CELF2: variants seen among roughly 807,000 people sequenced by gnomAD.
CELF2 encodes the protein CUG triplet repeat RNA-binding protein 2.
A neutral mutation model predicts 62.6 loss-of-function variants in CELF2; 8 were observed. The ratio of observed to expected loss-of-function variants is 0.13; its 90% CI spans 0.07 to 0.23. CELF2 has a LOEUF of 0.23. Among genes scored for constraint, CELF2 ranks in the 10% least tolerant of loss-of-function variants. The pLI is 1.00. For synonymous variants in CELF2, 258 were observed against 250.0 expected, an observed-to-expected ratio of 1.03 and a Z score of -0.30; for missense variants, 333 against 671.0, an observed-to-expected ratio of 0.50 and a Z score of 5.56.
Position 10,870,431 on chromosome 10 carries a change from A to G in CELF2, c.54-49533A>G, listed in dbSNP as rs1017963888. The stretch of plus-strand genomic sequence containing the variant: ...ATTTGGACAGCAGGGACCAGGGTCT[A>G]AGTCTCCATAGCAAAGACTCACCCT... On this transcript the variant is annotated intron_variant, in intron 1 of 13. Transcript: ENST00000636488. Among the ~76,000 whole-genome samples the G allele has an allele frequency of 2.0e-4, 30 of 152,186 alleles. 1 individual carries two copies. Among genetic ancestry groups the G allele is most frequent in the Admixed American group, 1.7e-3 (26 of 15,282 alleles).
the CELF2 span, among the ~76,000 whole-genome samples, chr10:10,609,839 C>T: frequency 2.6e-5 from 4 of 152,238 alleles, no homozygotes; most frequent in East Asian, 1.9e-4. Flanking sequence ...GCTGTGCCAT[C>T]GTCTGCATCT....
intron 1 of CELF2, among the ~76,000 whole-genome samples, chr10:11,079,703 G>T (rs958852600): frequency 6.6e-6 from 1 of 151,442 alleles, no homozygotes; most frequent in Non-Finnish European, 1.5e-5. Flanking sequence ...CTCAGTCTTG[G>T]GTATTTCTTC....
the CELF2 span, among the ~76,000 whole-genome samples, chr10:10,650,857 G>T: frequency 5.7e-4 from 86 of 150,962 alleles, no homozygotes; most frequent in African/African-American, 1.9e-3. Flanking sequence ...AAAACGTGGA[G>T]GGGGGAGGAG....
chr10:10,494,708 T>A, the CELF2 span, among the ~76,000 whole-genome samples: 1 of 152,210 alleles, frequency 6.6e-6, no homozygotes, highest in African/African-American at 2.4e-5. Flanking sequence ...TCTGTGTTCA[T>A]CATTGTACCT....
chr10:10,994,480 C>T (rs2053747070), intron 2 of CELF2, among the ~76,000 whole-genome samples: 1 of 152,234 alleles, frequency 6.6e-6, no homozygotes, highest in Non-Finnish European at 1.5e-5. Context: ...CACAGCCACA[C>T]AGCAGAAGGT....
At chr10:11,133,455 T>G (rs945543772) in intron 1 of CELF2, among the ~76,000 whole-genome samples, 2 of 152,228 alleles carry the variant, frequency 1.3e-5, no homozygotes, top group Non-Finnish European at 2.9e-5. Context: ...TTTCACAGTT[T>G]AGAGGCCTGT....
chr10:10,521,689 C>T, the CELF2 span, among the ~76,000 whole-genome samples: 1 of 152,086 alleles, frequency 6.6e-6, no homozygotes, highest in Non-Finnish European at 1.5e-5. Context: ...TGTTGATCTG[C>T]TTGTTTACTT....
chr10:10,468,673 G>C, the CELF2 span, among the ~76,000 whole-genome samples: 2 of 151,948 alleles, frequency 1.3e-5, no homozygotes, highest in Non-Finnish European at 1.5e-5. Context: ...GCGTGAACAA[G>C]AAAAATGTTT....
chr10:10,795,740 G>C (rs975056662), upstream of CELF2, among the ~76,000 whole-genome samples: 2 of 144,666 alleles, frequency 1.4e-5, no homozygotes, highest in African/African-American at 2.6e-5. Context: ...ACACACACTT[G>C]GACTTTGAAA....
rs75164670 is a variant in CELF2, at chr10:11,238,283, G to A, written c.355-10870G>A. ...CTTCCGAGTGTCGCACACAATTCTCGTGGTCTTTTGTTGTAATTGTAGCTG... is the reference window on the plus strand; with the variant it reads ...CTTCCGAGTGTCGCACACAATTCTCATGGTCTTTTGTTGTAATTGTAGCTG... On this transcript the variant is annotated intron_variant, in intron 3 of 12. Transcript: ENST00000633077. 3.2e-3 allele frequency among the ~76,000 whole-genome samples: 494 copies of A among 152,282 alleles called. 2 individuals are homozygous for A. The highest frequency in any genetic ancestry group is 5.9e-3 in the Admixed American group (91 of 15,296).
chr10:11,050,292 A>G (rs1210180688), intron 1 of CELF2, among the ~76,000 whole-genome samples: 4 of 152,236 alleles, frequency 2.6e-5, no homozygotes, highest in Non-Finnish European at 4.4e-5. Flanking sequence ...TCCTGCTTGC[A>G]CTGATCTCTT....
chr10:11,055,366 A>G (rs1444335651), intron 1 of CELF2, among the ~76,000 whole-genome samples: 3 of 152,236 alleles, frequency 2.0e-5, no homozygotes, highest in Non-Finnish European at 4.4e-5. Context: ...CATGAACAGG[A>G]TCAGATTCCT....
rs937402742 is a variant in CELF2, at chr10:10,993,564, A to C, written c.89+73565A>C. Among the ~76,000 whole-genome samples, 2 of 152,194 alleles carry C rather than the reference A, an allele frequency of 1.3e-5. No individual in the cohort carries two copies. The highest frequency in any genetic ancestry group is 4.8e-5 in the African/African-American group (2 of 41,454). ...CACACTTGTAGTCAAAGCTATATTT[A>C]CATAATTGTGGCAGCAAAAGAGAAT... is the stretch of plus-strand genomic sequence containing the variant. On this transcript the variant is annotated intron_variant, in intron 2 of 13. Coordinates refer to the CELF2 transcript ENST00000636488. The surrounding 1 kb of genome is among the most constrained non-coding windows in gnomAD (Gnocchi z 5.3).
At chr10:10,478,489 T>G in the CELF2 span, among the ~76,000 whole-genome samples, 3,159 of 101,128 alleles carry the variant, frequency 0.031, 62 homozygotes, top group Non-Finnish European at 0.049. Flanking sequence ...CATTTAATTT[T>G]GTTTTGGAGA....
intron 2 of CELF2, among the ~76,000 whole-genome samples, chr10:10,954,085 T>C (rs1023781334): frequency 6.6e-6 from 1 of 151,826 alleles, no homozygotes; most frequent in Non-Finnish European, 1.5e-5. Context: ...ATGATCAGAT[T>C]GGCAAAAGTC....
intron 1 of CELF2, among the ~76,000 whole-genome samples, chr10:10,832,389 C>A (rs781726925): frequency 5.3e-4 from 80 of 152,260 alleles, no homozygotes; most frequent in Non-Finnish European, 1.1e-3. Flanking sequence ...GGGTAGATTT[C>A]AATATACCCA....
Position 11,334,090 on chromosome 10 carries a change from G to A in CELF2, c.*5037G>A, listed in dbSNP as rs1421831634. On this transcript the variant is annotated 3_prime_UTR_variant, in exon 13 of 13. Transcript: ENST00000633077. ...AGAATTTTGTCTTAAAATAACAGCG[G>A]TAAGTTTCACTTTTTATTCTGTATT... is the stretch of plus-strand genomic sequence containing the variant. 6 of 152,530 alleles carry A rather than the reference G, an allele frequency of 3.9e-5. No homozygotes were observed. Among genetic ancestry groups the A allele is most frequent in the Admixed American group, 1.3e-4 (2 of 15,270 alleles). The allele number at this position is 152,530 out of a possible 1,614,324, so 9.4% of individuals were successfully genotyped here. A position where few individuals can be genotyped will look rare whatever the true frequency, so the allele number is the denominator to read the frequency against.
At chr10:10,778,863 T>G in the CELF2 span, among the ~76,000 whole-genome samples, 1 of 152,150 alleles carries the variant, frequency 6.6e-6, no homozygotes, top group Non-Finnish European at 1.5e-5. Flanking sequence ...TTAAAATTTG[T>G]GCTGGGAGTC....
chr10:11,326,173 A>T (rs2095712821), intron 12 of CELF2, among the ~76,000 whole-genome samples, 194 bp downstream of exon 12: 6 of 152,240 alleles, frequency 3.9e-5, no homozygotes. Context: ...ACGCCCATAC[A>T]TTAGGTAATC....
Sources: gnomAD v4.1 joint callset for allele counts (sites outside exome capture counted in the v4.1 genomes callset) on GRCh38, gnomAD v4.1.1 for gene constraint, Gnocchi (gnomAD v3.1) non-coding constraint, MANE v1.5 for transcripts, NCBI Gene and HGNC (gene_info 2026-07-23, HGNC 2026-07-21) for gene names.